Variants in UFD1 observed in about 807,000 individuals in gnomAD.
The protein encoded by UFD1 is ubiquitin recognition factor in ER associated degradation 1, also known as ubiquitin recognition factor in ER-associated degradation protein 1.
UFD1 carries 13 observed loss-of-function variants against 45.9 expected under a neutral mutation model. The observed-to-expected ratio is 0.28, with a 90% CI of 0.18 to 0.45. The LOEUF (loss-of-function observed/expected upper bound fraction) is 0.45, where lower values mean the gene tolerates loss of function less well. Among genes scored for constraint, UFD1 ranks in the 20% least tolerant of loss-of-function variants. The pLI is 1.00. For missense variants in UFD1, 218 were observed against 389.2 expected (o/e 0.56, Z 3.70); for synonymous variants, 128 against 139.2 (o/e 0.92, Z 0.56).
chr22:19,461,729 T>A (rs1446551737), intron 6 of UFD1, among the ~76,000 whole-genome samples: 1 of 152,182 alleles, frequency 6.6e-6, no homozygotes, highest in Non-Finnish European at 1.5e-5. Context: ...AGAACTTGCA[T>A]ATATAACCAT....
chr22:19,477,321 A>G (rs1005169941), intron 1 of UFD1, among the ~76,000 whole-genome samples: 2 of 152,264 alleles, frequency 1.3e-5, no homozygotes, highest in African/African-American at 4.8e-5. Flanking sequence ...ATGAATAAAC[A>G]AATTGTGGTA....
chr22:19,477,636 T>G (rs1449807755), intron 1 of UFD1, among the ~76,000 whole-genome samples: 1 of 152,150 alleles, frequency 6.6e-6, no homozygotes, highest in African/African-American at 2.4e-5. Flanking sequence ...TCAACACTAT[T>G]GAACTATAGA....
chr22:19,460,901 G>A (rs1484653950), intron 6 of UFD1, among the ~76,000 whole-genome samples: 1 of 151,702 alleles, frequency 6.6e-6, no homozygotes, highest in Non-Finnish European at 1.5e-5. Context: ...ATGCCACTAC[G>A]CCCAGCTAAT....
chr22:19,471,652 G>C, intron 4 of UFD1, 35 bp downstream of exon 4: 1 of 1,606,710 alleles, frequency 6.2e-7, no homozygotes, highest in Non-Finnish European at 8.5e-7. Flanking sequence ...CTGCCTAAGT[G>C]GCTGCTCTCT....
rs922885373 is a variant in UFD1, at chr22:19,463,109, G to A, written c.495+2093C>T. Among the ~76,000 whole-genome samples the A allele has an allele frequency of 6.4e-4, 98 of 152,246 alleles. 1 individual carries two copies. Among genetic ancestry groups the A allele is most frequent in the African/African-American group, 2.3e-3 (97 of 41,548 alleles). On this transcript the variant is annotated intron_variant, in intron 6 of 11. Transcript: ENST00000263202. ...GTTTGTTATACATTATAAATTTCCT[G>A]TCATGATGGGCTGACCACCAATTCT...
Position 19,471,471 on chromosome 22 carries a change from C to A in UFD1, c.291+216G>T, listed in dbSNP as rs1044703531. On this transcript the variant is annotated intron_variant, in intron 4 of 11. Transcript: ENST00000263202. ...ACTATCAAAGAAAAGGCCACTCCCA[C>A]AGCACAGTGGCCCACAGGTGCGTCC... 26 of 782,800 alleles carry A rather than the reference C, an allele frequency of 3.3e-5. No individual in the cohort carries two copies. In the Admixed American group the frequency reaches 4.6e-4, roughly 14 times the overall value. 48.5% of individuals were successfully genotyped at this position (782,800 alleles called of 1,614,324 possible). A position where few individuals can be genotyped will look rare whatever the true frequency, so the allele number is the denominator to read the frequency against.
chr22:19,456,078 G>C (rs2089720810), intron 9 of UFD1, among the ~76,000 whole-genome samples: 1 of 152,138 alleles, frequency 6.6e-6, no homozygotes, highest in East Asian at 1.9e-4. Flanking sequence ...GGCTACTGTT[G>C]TGACTGCCCC....
chr22:19,461,591 TA>T (rs779510435), intron 6 of UFD1, among the ~76,000 whole-genome samples: 7 of 152,258 alleles, frequency 4.6e-5, no homozygotes, highest in Non-Finnish European at 8.8e-5. Context: ...ATCTGTAGTT[TA>T]CCTTTCTCCT....
chr22:19,473,624 A>G (rs1461400695), intron 3 of UFD1, among the ~76,000 whole-genome samples: 1 of 152,192 alleles, frequency 6.6e-6, no homozygotes, highest in Non-Finnish European at 1.5e-5. Flanking sequence ...CTACTGGTTG[A>G]GCTGAGGCCT....
chr22:19,473,263 C>T (rs62222294), intron 3 of UFD1, among the ~76,000 whole-genome samples: 104 of 152,332 alleles, frequency 6.8e-4, no homozygotes, highest in Middle Eastern at 3.4e-3. Context: ...TCTCAAACTG[C>T]ATTTTGTGAC....
intron 6 of UFD1, among the ~76,000 whole-genome samples, 185 bp from the exon 7 acceptor site, chr22:19,458,324 C>T (rs978113888): frequency 1.3e-5 from 2 of 152,296 alleles, no homozygotes; most frequent in Admixed American, 6.5e-5. Flanking sequence ...CTGTGCCCAT[C>T]GCTGAAGAGA....
intron 11 of UFD1, chr22:19,451,518 T>C (rs908188030): frequency 1.1e-5 from 11 of 985,328 alleles, no homozygotes; most frequent in African/African-American, 3.5e-5. Flanking sequence ...TCCCAAACCT[T>C]TGAAAACTGC....
intron 2 of UFD1, 81 bp downstream of exon 2, chr22:19,475,389 C>G: frequency 6.4e-7 from 1 of 1,564,806 alleles, no homozygotes; most frequent in Non-Finnish European, 8.7e-7. Flanking sequence ...CTCCCACATG[C>G]AAAGTAAGTA....
chr22:19,453,300 G>C (rs2146285885), intron 11 of UFD1: 1 of 985,520 alleles, frequency 1.0e-6, no homozygotes, highest in Middle Eastern at 5.2e-4. Flanking sequence ...CCTTGTAGTT[G>C]CCTCCTCTTC....
intron 4 of UFD1, chr22:19,471,155 C>T: frequency 2.1e-6 from 1 of 483,206 alleles, no homozygotes; most frequent in South Asian, 1.5e-5. Context: ...GGCTCACACG[C>T]CCTGGATATC....
rs1474668123 is a variant in UFD1 at position 19,456,101 on chromosome 22, C to T, written c.679-333G>A. On this transcript the variant is annotated intron_variant, in intron 9 of 11. Coordinates refer to ENST00000263202, the MANE Select transcript of UFD1 (RefSeq NM_005659.7). ...TTGTGACTGCCCCATAGCTCAGCTT[C>T]CCATCATTCTGCCCTCTCTGCTGCT... Among the ~76,000 whole-genome samples, 3 of 152,194 alleles carry T rather than the reference C, an allele frequency of 2.0e-5. No individual in the cohort carries two copies. In the East Asian group the frequency reaches 5.8e-4, roughly 29 times the overall value.
intron 1 of UFD1, among the ~76,000 whole-genome samples, chr22:19,476,726 G>A (rs983958263): frequency 1.3e-5 from 2 of 151,872 alleles, no homozygotes; most frequent in African/African-American, 4.8e-5. Flanking sequence ...TAATTTATAG[G>A]CTGGGTGCGG....
At chr22:19,476,867 C>A (rs560641136) in intron 1 of UFD1, among the ~76,000 whole-genome samples, 1 of 151,486 alleles carries the variant, frequency 6.6e-6, no homozygotes, top group Non-Finnish European at 1.5e-5. Flanking sequence ...ATTAGCCGGG[C>A]GTGGTGGTAC....
intron 1 of UFD1, among the ~76,000 whole-genome samples, chr22:19,476,293 T>C (rs939330231): frequency 3.9e-5 from 6 of 152,238 alleles, no homozygotes; most frequent in African/African-American, 1.4e-4. Flanking sequence ...TACCCAGTGG[T>C]TGCACCCCTT....
Sources: gnomAD v4.1 joint callset for allele counts (sites outside exome capture counted in the v4.1 genomes callset) on GRCh38, gnomAD v4.1.1 for gene constraint, MANE v1.5 for transcripts, NCBI Gene and HGNC (gene_info 2026-07-23, HGNC 2026-07-21) for gene names.